The following ARHGAP26 variants were observed in gnomAD, a reference collection of about 807,000 sequenced individuals.
The protein encoded by ARHGAP26 is rho GTPase-activating protein 26.
Under a neutral mutation model 104.8 loss-of-function variants are expected in ARHGAP26, and 38 were observed. The ratio of observed to expected loss-of-function variants is 0.36; its 90% confidence interval spans 0.28 to 0.48. The LOEUF (loss-of-function observed/expected upper bound fraction) is 0.48, where lower values mean the gene tolerates loss of function less well. ARHGAP26 is among the 20% of genes least tolerant of loss of function. The pLI, the probability that ARHGAP26 is intolerant of heterozygous loss-of-function variation, is 0.99. For missense variants in ARHGAP26, 704 were observed against 947.9 expected, an observed-to-expected ratio of 0.74 and a Z score of 3.38; for synonymous variants, 341 against 340.0, an observed-to-expected ratio of 1.00 and a Z score of -0.03.
At chr5:143,220,293 G>T (rs1373079801) in intron 22 of ARHGAP26, among the ~76,000 whole-genome samples, 1 of 152,184 alleles carries the variant, frequency 6.6e-6, no homozygotes, top group Non-Finnish European at 1.5e-5. Flanking sequence ...TTAGGTGGGT[G>T]GTAAGGGCCA....
At chr5:143,084,521 G>C (rs547145857) in intron 17 of ARHGAP26, among the ~76,000 whole-genome samples, 20 of 152,260 alleles carry the variant, frequency 1.3e-4, no homozygotes, top group Admixed American at 8.5e-4. Context: ...TTGGAGGGAG[G>C]CGTGTTTTTA....
At position 142,770,854 on chromosome 5, in the gene ARHGAP26, G is replaced by T; in HGVS notation, c.93G>T (p.Lys31Asn). ...AGTCGCACGAAGCAGAGCTGGACAA[G>T]ACCAACAAATTCATCAAGGAGCTCA... Reference protein sequence around the residue: ...TLKSHEAELDKTNKFIKELIK... With the variant: ...TLKSHEAELDNTNKFIKELIK... Residue 31 changes from lysine to asparagine, a missense_variant, in exon 1 of 23, where the codon AAG becomes AAT. By Grantham distance (94) the Lys-to-Asn change is moderately conservative (BLOSUM62 0). This residue lies in a region of ARHGAP26 where 77 missense variants were observed against 82.6 expected (regional missense o/e 0.93). Coordinates refer to ENST00000645722, the MANE Select transcript of ARHGAP26 (RefSeq NM_001135608.3). 6.2e-7 allele frequency: 1 copy of T among 1,612,138 alleles called. No individual in the cohort carries two copies. Among genetic ancestry groups the T allele is most frequent in the Non-Finnish European group, 8.5e-7 (1 of 1,179,010 alleles).
intron 17 of ARHGAP26, among the ~76,000 whole-genome samples, chr5:143,084,763 C>T (rs1049488008): frequency 8.5e-5 from 13 of 152,094 alleles, no homozygotes; most frequent in African/African-American, 2.7e-4. Context: ...AATACTTTCT[C>T]CGCTGGGCGC....
chr5:143,098,462 G>C (rs1792738435), intron 17 of ARHGAP26, among the ~76,000 whole-genome samples: 1 of 152,088 alleles, frequency 6.6e-6, no homozygotes, highest in Non-Finnish European at 1.5e-5. Context: ...AAGTTTAATT[G>C]ACAGTAAGGT....
At chr5:142,889,341 G>A (rs1339244266) in intron 5 of ARHGAP26, among the ~76,000 whole-genome samples, 2 of 152,200 alleles carry the variant, frequency 1.3e-5, no homozygotes, top group Non-Finnish European at 2.9e-5. Flanking sequence ...GGCCAGGCAC[G>A]GTGGCTCATG....
intron 1 of ARHGAP26, among the ~76,000 whole-genome samples, chr5:142,864,750 T>C (rs1753964051): frequency 6.6e-6 from 1 of 152,222 alleles, no homozygotes; most frequent in African/African-American, 2.4e-5. Context: ...ACATGTGTCT[T>C]TCCTATTTTG....
intron 11 of ARHGAP26, among the ~76,000 whole-genome samples, chr5:142,986,921 TTGAAATCAGGTAG>T (rs1489042833): frequency 1.3e-5 from 2 of 152,240 alleles, no homozygotes; most frequent in Non-Finnish European, 2.9e-5. Context: ...GTGGTATAGT[TTGAAATCAGGTAG>T]TGTGATGCCT....
chr5:142,962,367 G>A (rs1257233380), intron 11 of ARHGAP26, among the ~76,000 whole-genome samples: 1 of 152,154 alleles, frequency 6.6e-6, no homozygotes, highest in African/African-American at 2.4e-5. Context: ...TTTGGGTGGG[G>A]CTGCTTTTGG....
At chr5:143,051,241 A>G (rs1024739465) in intron 14 of ARHGAP26, among the ~76,000 whole-genome samples, 1 of 152,210 alleles carries the variant, frequency 6.6e-6, no homozygotes, top group Non-Finnish European at 1.5e-5. Context: ...AATAGACTAG[A>G]TGGCCCTTGG....
intron 5 of ARHGAP26, among the ~76,000 whole-genome samples, chr5:142,890,159 T>A (rs1221051785): frequency 0.024 from 1,185 of 49,134 alleles, 11 homozygotes; most frequent in African/African-American, 0.059. Flanking sequence ...AAAATATATA[T>A]ATATATATAT....
chr5:142,865,478 GTTTTTTTTTT>G (rs35950662), intron 1 of ARHGAP26, among the ~76,000 whole-genome samples: 9 of 117,224 alleles, frequency 7.7e-5, no homozygotes, highest in African/African-American at 1.3e-4. Context: ...ACACGGAGAA[GTTTTTTTTTT>G]TTTTTTTTTT....
intron 1 of ARHGAP26, among the ~76,000 whole-genome samples, chr5:142,782,749 A>G (rs1263893567): frequency 1.3e-5 from 2 of 152,196 alleles, no homozygotes; most frequent in African/African-American, 4.8e-5. Flanking sequence ...GATAATAAAT[A>G]TCTATTATAC....
At chr5:142,999,089 A>G (rs985360963) in intron 11 of ARHGAP26, among the ~76,000 whole-genome samples, 3 of 152,230 alleles carry the variant, frequency 2.0e-5, no homozygotes, top group African/African-American at 4.8e-5. Context: ...AGAGTATGGC[A>G]TTTCAAAGCT....
At chr5:143,041,739 A>C in intron 13 of ARHGAP26, 77 bp from the exon 14 acceptor site, 1 of 1,115,926 alleles carries the variant, frequency 9.0e-7, no homozygotes, top group East Asian at 2.6e-5. Flanking sequence ...AAAAAAAAAA[A>C]AAGTGCATTT....
chr5:142,912,761 G>A (rs1204239556), intron 9 of ARHGAP26, among the ~76,000 whole-genome samples: 1 of 152,126 alleles, frequency 6.6e-6, no homozygotes, highest in African/African-American at 2.4e-5. Context: ...TGCTGTGATG[G>A]AGGGAGATGT....
chr5:143,125,214 A>G (rs1796590047), intron 18 of ARHGAP26, among the ~76,000 whole-genome samples: 1 of 152,252 alleles, frequency 6.6e-6, no homozygotes, highest in Admixed American at 6.5e-5. Flanking sequence ...GCTAAGGCAT[A>G]CAATCTTTTC....
chr5:143,136,763 A>G (rs147603682), intron 19 of ARHGAP26, among the ~76,000 whole-genome samples: 2 of 152,332 alleles, frequency 1.3e-5, no homozygotes, highest in East Asian at 3.9e-4. Context: ...AAGTTTTCAC[A>G]CACTTCACCT....
intron 20 of ARHGAP26, among the ~76,000 whole-genome samples, chr5:143,151,038 C>T (rs1799781743): frequency 1.3e-5 from 2 of 152,048 alleles, no homozygotes; most frequent in Non-Finnish European, 2.9e-5. Flanking sequence ...GGACCAGTAT[C>T]CAAAATATAC....
chr5:143,045,710 A>G (rs1307961140), intron 14 of ARHGAP26, among the ~76,000 whole-genome samples: 5 of 152,234 alleles, frequency 3.3e-5, no homozygotes, highest in Admixed American at 2.0e-4. Context: ...TATGGAAAAT[A>G]TGGCTGGTCA....
Sources: gnomAD v4.1 joint callset for allele counts (sites outside exome capture counted in the v4.1 genomes callset) on GRCh38, gnomAD v4.1.1 for gene constraint, gnomAD v4.1.1 regional missense constraint, MANE v1.5 for transcripts, NCBI Gene and HGNC (gene_info 2026-07-23, HGNC 2026-07-21) for gene names.